The following NFIB variants were observed in gnomAD, a reference collection of about 807,000 sequenced individuals.
NFIB encodes nuclear factor 1 B-type.
NFIB carries 11 observed loss-of-function variants against 61.5 expected under a neutral mutation model. The ratio of observed to expected loss-of-function variants is 0.18; its 90% confidence interval spans 0.11 to 0.30. The LOEUF (loss-of-function observed/expected upper bound fraction) is 0.30. Among genes scored for constraint, NFIB ranks in the 10% least tolerant of loss-of-function variants. NFIB has a pLI of 1.00. For missense variants in NFIB, 471 were observed against 608.9 expected (o/e 0.77, Z 2.38); for synonymous variants, 260 against 216.5 (o/e 1.20, Z -1.76).
chr9:14,418,398 A>T, the NFIB span, among the ~76,000 whole-genome samples: 1 of 152,184 alleles, frequency 6.6e-6, no homozygotes, highest in African/African-American at 2.4e-5. Context: ...TTTCTGGCAC[A>T]TACCACTGTT....
At chr9:14,518,822 C>T in the NFIB span, among the ~76,000 whole-genome samples, 1 of 152,120 alleles carries the variant, frequency 6.6e-6, no homozygotes, top group Non-Finnish European at 1.5e-5. Flanking sequence ...TCTCCAGGAA[C>T]CTCAGGCCAT....
At chr9:14,192,822 G>T (rs888171489) in intron 2 of NFIB, among the ~76,000 whole-genome samples, 5 of 151,890 alleles carry the variant, frequency 3.3e-5, no homozygotes, top group African/African-American at 9.7e-5. Flanking sequence ...TACTGTAACT[G>T]GCCTTGCCCA....
chr9:14,231,167 T>TATATATATATATATATATA (rs2053148843), intron 2 of NFIB, among the ~76,000 whole-genome samples: 2 of 139,282 alleles, frequency 1.4e-5, no homozygotes, highest in African/African-American at 2.6e-5. Context: ...TATATATATA[T>TATATATATATATATATATA]TCGTTGAGAC....
At chr9:14,093,601 T>G (rs945371722) in intron 10 of NFIB, 17 of 152,108 alleles carry the variant, frequency 1.1e-4, no homozygotes, top group Non-Finnish European at 4.4e-5. Flanking sequence ...TTTCCTGATC[T>G]CCCCAAGATG....
chr9:14,459,882 G>A, the NFIB span, among the ~76,000 whole-genome samples: 2 of 151,308 alleles, frequency 1.3e-5, no homozygotes, highest in African/African-American at 4.8e-5. Flanking sequence ...GTGCTGGAGA[G>A]GATGTGGAGA....
chr9:14,149,487 A>G (rs1335154057), intron 5 of NFIB, among the ~76,000 whole-genome samples: 1 of 152,018 alleles, frequency 6.6e-6, no homozygotes, highest in African/African-American at 2.4e-5. Flanking sequence ...ATCTTTATTC[A>G]CCCTGACTGG....
At chr9:14,396,487 A>G (rs998320514) in intron 1 of NFIB, among the ~76,000 whole-genome samples, 2 of 151,942 alleles carry the variant, frequency 1.3e-5, no homozygotes, top group Non-Finnish European at 2.9e-5. Context: ...TCAGGTGGGG[A>G]GCCTCTTTAC....
intron 2 of NFIB, among the ~76,000 whole-genome samples, chr9:14,264,110 A>T (rs561665101): frequency 2.0e-5 from 3 of 152,292 alleles, no homozygotes; most frequent in African/African-American, 7.2e-5. Flanking sequence ...TCTAGCCCAG[A>T]CTTCTGGCCT....
intron 5 of NFIB, among the ~76,000 whole-genome samples, chr9:14,148,865 C>T (rs930297894): frequency 1.8e-4 from 28 of 152,174 alleles, no homozygotes; most frequent in African/African-American, 6.8e-4. Flanking sequence ...TTAGACCTTA[C>T]ATTTTAACTC....
chr9:14,245,539 C>T (rs564752483), intron 2 of NFIB, among the ~76,000 whole-genome samples: 28 of 151,966 alleles, frequency 1.8e-4, no homozygotes, highest in African/African-American at 3.9e-4. Flanking sequence ...GGGAGAGATA[C>T]GTAAACACAT....
intron 3 of NFIB, among the ~76,000 whole-genome samples, chr9:14,168,486 G>C (rs2045183943): frequency 6.6e-6 from 1 of 152,194 alleles, no homozygotes; most frequent in Non-Finnish European, 1.5e-5. Flanking sequence ...CAAAGAAGCA[G>C]CACACGGCTA....
At chr9:14,487,479 A>T in the NFIB span, among the ~76,000 whole-genome samples, 1 of 152,238 alleles carries the variant, frequency 6.6e-6, no homozygotes, top group Non-Finnish European at 1.5e-5. Context: ...CTTGTGGAGC[A>T]CAGGCAGTTA....
intron 10 of NFIB, chr9:14,102,351 T>A (rs1474542978): frequency 2.5e-5 from 33 of 1,331,188 alleles, no homozygotes; most frequent in Non-Finnish European, 8.3e-6. Context: ...GTAAAGCTAG[T>A]TAAAAACAAA....
chr9:14,266,573 C>T (rs867385059), intron 2 of NFIB, among the ~76,000 whole-genome samples: 1 of 151,290 alleles, frequency 6.6e-6, no homozygotes, highest in East Asian at 1.9e-4. Flanking sequence ...CCAGCCTAGA[C>T]AATAGAGCAA....
chr9:14,261,860 G>A (rs1396977066), intron 2 of NFIB, among the ~76,000 whole-genome samples: 2 of 152,180 alleles, frequency 1.3e-5, no homozygotes, highest in Non-Finnish European at 2.9e-5. Context: ...AGGAACCAGA[G>A]ATAATTGTTT....
chr9:14,163,745 A>G (rs568764540), intron 3 of NFIB, among the ~76,000 whole-genome samples: 1 of 152,146 alleles, frequency 6.6e-6, no homozygotes, highest in African/African-American at 2.4e-5. Context: ...TCATTCAAAT[A>G]CAAATTATAT....
chr9:14,501,299 T>G, the NFIB span, among the ~76,000 whole-genome samples: 4 of 152,236 alleles, frequency 2.6e-5, no homozygotes, highest in African/African-American at 9.6e-5. Context: ...GAAGCTGTTT[T>G]ATTTCTGGTT....
the NFIB span, among the ~76,000 whole-genome samples, chr9:14,433,120 T>C: frequency 6.6e-6 from 1 of 152,160 alleles, no homozygotes; most frequent in African/African-American, 2.4e-5. Flanking sequence ...CAGTAAAACC[T>C]CATTATAACA....
At chr9:14,344,247 CAG>C (rs1480219157) in intron 1 of NFIB, among the ~76,000 whole-genome samples, 1 of 151,650 alleles carries the variant, frequency 6.6e-6, no homozygotes, top group Admixed American at 6.6e-5. Flanking sequence ...GAGAGTCACA[CAG>C]AGAGAAAGAC....
Sources: allele counts gnomAD v4.1 joint callset (sites outside exome capture counted in the v4.1 genomes callset), GRCh38; gene constraint gnomAD v4.1.1; transcripts MANE v1.5; gene names NCBI Gene and HGNC (gene_info 2026-07-23, HGNC 2026-07-21).